Variants in GALNT13 observed in about 807,000 individuals in gnomAD.
GALNT13 encodes the protein polypeptide N-acetylgalactosaminyltransferase 13, also known as UDP-GalNAc:polypeptide N-acetylgalactosaminyltransferase 13.
Under a neutral mutation model 64.2 loss-of-function variants are expected in GALNT13, and 28 were observed. The ratio of observed to expected loss-of-function variants is 0.44; its 90% CI spans 0.32 to 0.60. GALNT13 has a LOEUF of 0.60. GALNT13 is among the 20% of genes least tolerant of loss of function. The probability of loss-of-function intolerance (pLI) is 0.05; values close to 1 mark genes in which losing one functional copy is unlikely to be tolerated. For synonymous variants in GALNT13, 214 were observed against 224.6 expected (o/e 0.95, Z 0.42); for missense variants, 577 against 669.8 (o/e 0.86, Z 1.53).
chr2:153,171,763 C>T, the GALNT13 span, among the ~76,000 whole-genome samples: 1 of 152,096 alleles, frequency 6.6e-6, no homozygotes, highest in African/African-American at 2.4e-5. Context: ...CTAAAATGGC[C>T]TTATCTTGGG....
At chr2:154,168,056 G>A (rs149794032) in intron 4 of GALNT13, among the ~76,000 whole-genome samples, 28 of 152,314 alleles carry the variant, frequency 1.8e-4, no homozygotes, top group African/African-American at 6.5e-4. Flanking sequence ...CGGATCTGGA[G>A]TCCAAGTGGG....
intron 9 of GALNT13, among the ~76,000 whole-genome samples, chr2:154,304,660 G>A (rs1441586371): frequency 1.3e-5 from 2 of 152,168 alleles, no homozygotes; most frequent in Non-Finnish European, 1.5e-5. Flanking sequence ...AGAATGTAAA[G>A]CATGGGAAAA....
At chr2:153,147,072 G>T in the GALNT13 span, among the ~76,000 whole-genome samples, 1 of 151,796 alleles carries the variant, frequency 6.6e-6, no homozygotes, top group African/African-American at 2.4e-5. Context: ...CATTTTATAG[G>T]TGAGGAACTG....
chr2:153,765,819 T>C, the GALNT13 span, among the ~76,000 whole-genome samples: 2 of 152,130 alleles, frequency 1.3e-5, no homozygotes, highest in Admixed American at 6.5e-5. Flanking sequence ...GTTTCCTCCA[T>C]ATTGTTCTAA....
chr2:153,377,857 G>A, the GALNT13 span, among the ~76,000 whole-genome samples: 14 of 152,006 alleles, frequency 9.2e-5, no homozygotes, highest in East Asian at 1.9e-3. Flanking sequence ...AAGAGAGTTC[G>A]AGAACCAGCC....
At chr2:153,756,503 C>T in the GALNT13 span, among the ~76,000 whole-genome samples, 1 of 152,032 alleles carries the variant, frequency 6.6e-6, no homozygotes, top group East Asian at 1.9e-4. Flanking sequence ...CAGTAACTCA[C>T]ATTTTATCAG....
At chr2:153,568,284 C>G in the GALNT13 span, among the ~76,000 whole-genome samples, 2 of 152,148 alleles carry the variant, frequency 1.3e-5, no homozygotes, top group Non-Finnish European at 2.9e-5. Flanking sequence ...GTGGGTCAAA[C>G]ACAGCTCGCT....
the GALNT13 span, among the ~76,000 whole-genome samples, chr2:153,571,353 T>A: frequency 3.3e-5 from 5 of 152,066 alleles, no homozygotes; most frequent in African/African-American, 1.2e-4. Flanking sequence ...AATAGTTTTC[T>A]TGTGTAATCT....
chr2:154,019,654 A>AC (rs1491429716), intron 3 of GALNT13, among the ~76,000 whole-genome samples: 1,082 of 105,506 alleles, frequency 0.01, 19 homozygotes, highest in Non-Finnish European at 0.015. Context: ...ACACACACAC[A>AC]AAAGCAAGAA....
At chr2:154,198,541 C>T (rs537404864) in intron 4 of GALNT13, among the ~76,000 whole-genome samples, 1 of 151,922 alleles carries the variant, frequency 6.6e-6, no homozygotes, top group Admixed American at 6.6e-5. Context: ...CATCCTGGAA[C>T]AGAAAATTTG....
chr2:154,244,918 C>T (rs910500288), intron 6 of GALNT13, among the ~76,000 whole-genome samples: 4 of 151,794 alleles, frequency 2.6e-5, no homozygotes, highest in African/African-American at 4.8e-5. Flanking sequence ...GTCAGGAGTT[C>T]GAGACCAACC....
the GALNT13 span, among the ~76,000 whole-genome samples, chr2:153,454,815 A>C: frequency 6.6e-6 from 1 of 152,244 alleles, no homozygotes; most frequent in Non-Finnish European, 1.5e-5. Context: ...CAGCGTACTC[A>C]CACCAACATT....
At chr2:153,741,612 A>G in the GALNT13 span, among the ~76,000 whole-genome samples, 1 of 152,108 alleles carries the variant, frequency 6.6e-6, no homozygotes, top group East Asian at 1.9e-4. Flanking sequence ...TTTATAGTAT[A>G]GAGGCTAGAA....
At chr2:153,565,218 T>C in the GALNT13 span, among the ~76,000 whole-genome samples, 1 of 152,052 alleles carries the variant, frequency 6.6e-6, no homozygotes, top group African/African-American at 2.4e-5. Context: ...AATACAACAT[T>C]ATAAAGAGAA....
At chr2:154,237,305 A>C (rs1157489718) in intron 4 of GALNT13, among the ~76,000 whole-genome samples, 1 of 151,770 alleles carries the variant, frequency 6.6e-6, no homozygotes, top group Non-Finnish European at 1.5e-5. Flanking sequence ...AGATATAAAA[A>C]CTGAGGTGAA....
the GALNT13 span, among the ~76,000 whole-genome samples, chr2:153,343,122 A>C: frequency 6.6e-6 from 1 of 152,148 alleles, no homozygotes; most frequent in Non-Finnish European, 1.5e-5. Flanking sequence ...GAATGACTGA[A>C]TGACTTTAGG....
the GALNT13 span, among the ~76,000 whole-genome samples, chr2:153,803,646 A>G: frequency 1.4e-5 from 2 of 147,154 alleles, no homozygotes; most frequent in South Asian, 2.1e-4. Flanking sequence ...GAGCGGAGAT[A>G]GCGCCACTGC....
the GALNT13 span, among the ~76,000 whole-genome samples, chr2:153,596,907 TTATG>T: frequency 1.3e-5 from 2 of 152,004 alleles, no homozygotes; most frequent in Non-Finnish European, 2.9e-5. Flanking sequence ...TTTGAACAAA[TTATG>T]TAGGAAGACT....
At chr2:153,482,533 G>T in the GALNT13 span, among the ~76,000 whole-genome samples, 1 of 152,116 alleles carries the variant, frequency 6.6e-6, no homozygotes, top group Non-Finnish European at 1.5e-5. Flanking sequence ...GCAGTGGCAC[G>T]ATCTGGGCTC....
Sources: allele counts gnomAD v4.1 joint callset (sites outside exome capture counted in the v4.1 genomes callset), GRCh38; gene constraint gnomAD v4.1.1; transcripts MANE v1.5; gene names NCBI Gene and HGNC (gene_info 2026-07-23, HGNC 2026-07-21).